Variants in UBE2E3 observed in about 807,000 individuals in gnomAD.
UBE2E3 encodes the protein ubiquitin-conjugating enzyme E2 E3.
Under a neutral mutation model 23.6 loss-of-function variants are expected in UBE2E3, and 5 were observed. The ratio of observed to expected loss-of-function variants is 0.21; its 90% CI spans 0.11 to 0.44. UBE2E3 has a LOEUF of 0.44. Among genes scored for constraint, UBE2E3 ranks in the 20% least tolerant of loss-of-function variants. The pLI, the probability that UBE2E3 is intolerant of heterozygous loss-of-function variation, is 0.99. For missense variants in UBE2E3, 81 were observed against 249.8 expected (o/e 0.32, Z 4.55); for synonymous variants, 78 against 87.5 (o/e 0.89, Z 0.60).
At chr2:181,011,847 G>T (rs1405749796) in intron 3 of UBE2E3, among the ~76,000 whole-genome samples, 1 of 152,132 alleles carries the variant, frequency 6.6e-6, no homozygotes, top group Non-Finnish European at 1.5e-5. Context: ...AAATGATAAG[G>T]ATGGACTGTA....
At chr2:181,062,064 C>G (rs1687171829) in intron 5 of UBE2E3, among the ~76,000 whole-genome samples, 1 of 151,608 alleles carries the variant, frequency 6.6e-6, no homozygotes, top group Admixed American at 6.6e-5. Flanking sequence ...ACATAATATT[C>G]TAAATGCTTG....
At position 181,034,298 on chromosome 2, in the gene UBE2E3, C is replaced by T. The variant is rs944614503; in HGVS notation, c.246-23395C>T. Among the ~76,000 whole-genome samples, 9 of 152,150 alleles carry T rather than the reference C, an allele frequency of 5.9e-5. 1 individual carries two copies. The highest frequency in any genetic ancestry group is 5.2e-4 in the Admixed American group (8 of 15,278). On this transcript the variant is annotated intron_variant, in intron 3 of 5. Coordinates refer to ENST00000410062, the MANE Select transcript of UBE2E3 (RefSeq NM_006357.4). ...AACCCAAATGTCCATCAATGATAGA[C>T]TGGATTAAGAAAATGTGGCACATAT...
chr2:181,043,817 A>G (rs956962552), intron 3 of UBE2E3, among the ~76,000 whole-genome samples: 1 of 152,128 alleles, frequency 6.6e-6, no homozygotes, highest in Non-Finnish European at 1.5e-5. Flanking sequence ...TTAATCTGTC[A>G]TGAATATTTC....
At chr2:180,989,462 CT>C (rs1684586265) in intron 3 of UBE2E3, among the ~76,000 whole-genome samples, 1 of 151,994 alleles carries the variant, frequency 6.6e-6, no homozygotes, top group African/African-American at 2.4e-5. Context: ...CATTCTTTAC[CT>C]TTTTCATAAT....
intron 3 of UBE2E3, among the ~76,000 whole-genome samples, chr2:181,024,503 CAG>C (rs1685813162): frequency 2.0e-5 from 3 of 152,198 alleles, no homozygotes; most frequent in South Asian, 2.1e-4. Flanking sequence ...AAAATTGTAA[CAG>C]AGCTATAAAT....
At chr2:181,006,432 C>G (rs1176844010) in intron 3 of UBE2E3, among the ~76,000 whole-genome samples, 1 of 151,092 alleles carries the variant, frequency 6.6e-6, no homozygotes, top group Non-Finnish European at 1.5e-5. Flanking sequence ...ATGAAGGATA[C>G]TACTTCTGGA....
chr2:181,001,030 A>C (rs185639188), intron 3 of UBE2E3, among the ~76,000 whole-genome samples: 112 of 152,332 alleles, frequency 7.4e-4, no homozygotes, highest in African/African-American at 1.9e-3. Flanking sequence ...ATTTACTGTG[A>C]TGAGATGGAG....
intron 3 of UBE2E3, among the ~76,000 whole-genome samples, chr2:181,034,505 C>T (rs1290342459): frequency 6.6e-6 from 1 of 152,108 alleles, no homozygotes; most frequent in Non-Finnish European, 1.5e-5. Context: ...GGAAGGGGAA[C>T]ATCACACACC....
At chr2:181,030,587 T>C (rs1440814664) in intron 3 of UBE2E3, among the ~76,000 whole-genome samples, 1 of 152,092 alleles carries the variant, frequency 6.6e-6, no homozygotes, top group East Asian at 1.9e-4. Context: ...AGAAAAAAAA[T>C]TATTTTTTTA....
At chr2:181,019,432 C>A (rs1014618338) in intron 3 of UBE2E3, among the ~76,000 whole-genome samples, 9 of 152,180 alleles carry the variant, frequency 5.9e-5, no homozygotes, top group African/African-American at 2.2e-4. Flanking sequence ...TTTAAACTTT[C>A]AAAATTCAGT....
At position 181,008,356 on chromosome 2, in the gene UBE2E3, G is replaced by T. The variant is rs143644319; in HGVS notation, c.245+24263G>T. Among the ~76,000 whole-genome samples, 241 of 152,312 alleles carry T rather than the reference G, an allele frequency of 1.6e-3. 1 individual carries two copies. The highest frequency in any genetic ancestry group is 5.3e-3 in the African/African-American group (220 of 41,564). On this transcript the variant is annotated intron_variant, in intron 3 of 5. Coordinates refer to ENST00000410062, the MANE Select transcript of UBE2E3 (RefSeq NM_006357.4). ...AGGTGAGAAAACTGAGGTACAGAGA[G>T]AAGTTCTTCCGAGGATCACATGGTT... is the stretch of plus-strand genomic sequence containing the variant.
intron 3 of UBE2E3, among the ~76,000 whole-genome samples, chr2:180,993,114 G>A (rs1376046199): frequency 9.9e-5 from 15 of 152,068 alleles, no homozygotes; most frequent in Admixed American, 9.8e-4. Context: ...GTTTTATAAG[G>A]GTGTATAGAG....
chr2:181,021,425 C>G (rs1424494226), intron 3 of UBE2E3, among the ~76,000 whole-genome samples: 3 of 142,726 alleles, frequency 2.1e-5, no homozygotes, highest in Non-Finnish European at 4.6e-5. Flanking sequence ...CCCTCCCTTC[C>G]TCCCTTCCTT....
intron 3 of UBE2E3, among the ~76,000 whole-genome samples, chr2:180,991,719 T>C (rs55889183): frequency 0.23 from 35,250 of 151,938 alleles, 4,437 homozygotes; most frequent in Non-Finnish European, 0.28. Flanking sequence ...CCAAGAGAGT[T>C]CTGCTGCTGC....
At chr2:181,055,611 A>C (rs13418807) in intron 3 of UBE2E3, among the ~76,000 whole-genome samples, 7 of 151,754 alleles carry the variant, frequency 4.6e-5, no homozygotes, top group Non-Finnish European at 1.0e-4. Context: ...TAATCATACT[A>C]CCATAGCTTC....
intron 3 of UBE2E3, among the ~76,000 whole-genome samples, chr2:181,043,038 A>T (rs111387343): frequency 2.9e-4 from 44 of 152,342 alleles, no homozygotes; most frequent in African/African-American, 9.9e-4. Context: ...TTAAAAGTCA[A>T]GTCTTATGCC....
chr2:180,992,494 G>A (rs888069359), intron 3 of UBE2E3, among the ~76,000 whole-genome samples: 5 of 152,172 alleles, frequency 3.3e-5, no homozygotes, highest in African/African-American at 4.8e-5. Flanking sequence ...TCTCACTCAT[G>A]TGAAGACCAC....
At chr2:180,995,057 T>TAA (rs1470756102) in intron 3 of UBE2E3, among the ~76,000 whole-genome samples, 1 of 152,208 alleles carries the variant, frequency 6.6e-6, no homozygotes, top group Non-Finnish European at 1.5e-5. Flanking sequence ...AGTATCTTCT[T>TAA]AAAACACTAT....
intron 5 of UBE2E3, among the ~76,000 whole-genome samples, 186 bp from the exon 6 acceptor site, chr2:181,062,605 C>T (rs1687192988): frequency 6.6e-6 from 1 of 150,542 alleles, no homozygotes; most frequent in Non-Finnish European, 1.5e-5. Flanking sequence ...ATGAAGGGGA[C>T]TTTCCTAACT....
Sources: allele counts gnomAD v4.1 joint callset (sites outside exome capture counted in the v4.1 genomes callset), GRCh38; gene constraint gnomAD v4.1.1; transcripts MANE v1.5; gene names NCBI Gene and HGNC (gene_info 2026-07-23, HGNC 2026-07-21).